Variants in EPB41L2 observed in about 807,000 individuals in gnomAD.
EPB41L2 encodes erythrocyte membrane protein band 4.1 like 2.
EPB41L2 carries 43 observed loss-of-function variants against 113.0 expected under a neutral mutation model. The observed-to-expected ratio is 0.38, with a 90% CI of 0.30 to 0.49. EPB41L2 has a LOEUF of 0.49. Among genes scored for constraint, EPB41L2 ranks in the 20% least tolerant of loss-of-function variants. The pLI is 0.95. For missense variants in EPB41L2, 1,147 were observed against 1,223.4 expected (o/e 0.94, Z 0.93); for synonymous variants, 442 against 436.7 (o/e 1.01, Z -0.15).
At chr6:131,002,256 T>C (rs910115409) in intron 1 of EPB41L2, among the ~76,000 whole-genome samples, 1 of 152,014 alleles carries the variant, frequency 6.6e-6, no homozygotes, top group Non-Finnish European at 1.5e-5. Flanking sequence ...TAGCCCCAAA[T>C]GCACTCAGAA....
At chr6:131,024,802 A>T (rs149980154) in intron 1 of EPB41L2, among the ~76,000 whole-genome samples, 1 of 152,302 alleles carries the variant, frequency 6.6e-6, no homozygotes, top group East Asian at 1.9e-4. Context: ...CCTGAGAATA[A>T]AAAAAGGTTA....
At chr6:130,967,100 C>T (rs529811338) in intron 1 of EPB41L2, among the ~76,000 whole-genome samples, 19 of 152,184 alleles carry the variant, frequency 1.2e-4, no homozygotes, top group African/African-American at 4.3e-4. Flanking sequence ...ACAGTTGTCC[C>T]TCAGTATCTG....
At chr6:130,918,108 T>C (rs1471901821) in intron 4 of EPB41L2, among the ~76,000 whole-genome samples, 1 of 152,202 alleles carries the variant, frequency 6.6e-6, no homozygotes, top group Non-Finnish European at 1.5e-5. Flanking sequence ...CAGTGAAACA[T>C]TCACTACACA....
intron 17 of EPB41L2, among the ~76,000 whole-genome samples, chr6:130,864,003 C>G (rs1485863255): frequency 6.6e-6 from 1 of 152,222 alleles, no homozygotes; most frequent in Non-Finnish European, 1.5e-5. Flanking sequence ...ATCTTAATCT[C>G]ACTTGATTAA....
intron 1 of EPB41L2, among the ~76,000 whole-genome samples, chr6:131,019,004 C>T (rs1788870973): frequency 6.6e-6 from 1 of 152,232 alleles, no homozygotes; most frequent in Admixed American, 6.5e-5. Context: ...TTCTTCAACA[C>T]ATGCTCATTT....
chr6:130,926,612 T>G lies in EPB41L2; in HGVS notation c.803A>C (p.Glu268Ala). 1 of 1,598,846 alleles carries G rather than the reference T, an allele frequency of 6.3e-7. No individual in the cohort carries two copies. The highest frequency in any genetic ancestry group is 1.3e-5 in the African/African-American group (1 of 74,222). The change falls in exon 4 of 20, where the codon GAG becomes GCG. Residue 268 changes from glutamate (E) to alanine (A), a missense_variant. Coordinates refer to ENST00000337057, the MANE Select transcript of EPB41L2 (RefSeq NM_001431.4). Reference sequence around the variant, plus strand: ...AAACTTGAAATCACTTACTTTCTGCTCAGGGCTTTCCTGAAACAAAAGTCC... The same window carrying G: ...AAACTTGAAATCACTTACTTTCTGCGCAGGGCTTTCCTGAAACAAAAGTCC... The part of the protein sequence containing the change: ...YFGLLFQESP[E>A]QKNWLDPAKE...
intron 3 of EPB41L2, among the ~76,000 whole-genome samples, chr6:130,953,233 T>G (rs1341657543): frequency 6.6e-6 from 1 of 152,006 alleles, no homozygotes; most frequent in Non-Finnish European, 1.5e-5. Context: ...GTCCCTTTCT[T>G]TATGGTCTCT....
chr6:130,908,284 A>G (rs1291931763), intron 5 of EPB41L2, among the ~76,000 whole-genome samples: 1 of 152,188 alleles, frequency 6.6e-6, no homozygotes, highest in Non-Finnish European at 1.5e-5. Context: ...CCCAGGCTCA[A>G]AGAGTATGCA....
At chr6:131,002,508 G>A (rs1784568618) in intron 1 of EPB41L2, among the ~76,000 whole-genome samples, 1 of 152,152 alleles carries the variant, frequency 6.6e-6, no homozygotes, top group African/African-American at 2.4e-5. Flanking sequence ...CTGTGTATGA[G>A]CAATTGCTAA....
chr6:130,892,569 T>A (rs1315589993), intron 10 of EPB41L2, among the ~76,000 whole-genome samples: 1 of 152,038 alleles, frequency 6.6e-6, no homozygotes, highest in Non-Finnish European at 1.5e-5. Context: ...TTTTCAAAGA[T>A]TTATATGATC....
intron 4 of EPB41L2, among the ~76,000 whole-genome samples, chr6:130,911,503 C>T (rs1315304889): frequency 6.6e-6 from 1 of 151,676 alleles, no homozygotes; most frequent in Admixed American, 6.6e-5. Flanking sequence ...ACATGTATCC[C>T]AGAACTTAAA....
At chr6:131,013,546 AAG>A (rs1417021613) in intron 1 of EPB41L2, 1 of 152,218 alleles carries the variant, frequency 6.6e-6, no homozygotes, top group Non-Finnish European at 1.5e-5. Context: ...AAGTAGAAAA[AAG>A]AGTATTTTCT....
rs150838163 is a variant in EPB41L2 at position 130,899,569 on chromosome 6, C to A, written c.1158G>T (p.Ser386=). ...AELHKTHRGL[S]PAQADSQFLE... The stretch of plus-strand genomic sequence containing the variant: ...AGAACTGGGAATCAGCTTGTGCTGG[C>A]GATAAGCCCCTGAGAATCAAAAGAA... The change falls in exon 8 of 20, where the codon TCG becomes TCT. Residue 386 remains serine (S), a synonymous_variant. Coordinates refer to ENST00000337057, the MANE Select transcript of EPB41L2 (RefSeq NM_001431.4). 3.1e-4 allele frequency: 499 copies of A among 1,613,624 alleles called. 3 individuals carry two copies. The highest frequency in any genetic ancestry group is 1.2e-3 in the Middle Eastern group (7 of 6,060).
chr6:130,880,338 C>A, intron 12 of EPB41L2, 132 bp from the exon 13 acceptor site: 1 of 652,258 alleles, frequency 1.5e-6, no homozygotes, highest in South Asian at 1.9e-5. Flanking sequence ...ATCTTATGAA[C>A]TTAAAGCCAC....
At chr6:131,010,504 C>T (rs1786683792) in intron 1 of EPB41L2, among the ~76,000 whole-genome samples, 1 of 151,836 alleles carries the variant, frequency 6.6e-6, no homozygotes, top group Admixed American at 6.6e-5. Flanking sequence ...CCTCTGCCTC[C>T]TGGGTTCAGG....
At chr6:131,023,750 TATATAGATATATAG>T (rs59650217) in intron 1 of EPB41L2, among the ~76,000 whole-genome samples, 7,796 of 117,090 alleles carry the variant, frequency 0.067, 585 homozygotes, top group East Asian at 0.37. Flanking sequence ...TATATATCTA[TATATAGATATATAG>T]ATATATAGAT....
intron 6 of EPB41L2, among the ~76,000 whole-genome samples, chr6:130,901,564 T>C (rs894561502): frequency 6.6e-6 from 1 of 152,164 alleles, no homozygotes; most frequent in Admixed American, 6.5e-5. Flanking sequence ...TAATCATTTG[T>C]AAGAAAAGCT....
intron 1 of EPB41L2, among the ~76,000 whole-genome samples, chr6:131,033,495 G>A (rs548485513): frequency 7.0e-4 from 106 of 152,116 alleles, no homozygotes; most frequent in African/African-American, 2.4e-3. Context: ...GTGCACCAAT[G>A]TTCATAACAG....
intron 1 of EPB41L2, among the ~76,000 whole-genome samples, chr6:130,967,065 G>A (rs190373189): frequency 6.6e-6 from 1 of 152,176 alleles, no homozygotes; most frequent in African/African-American, 2.4e-5. Context: ...TTTAAGAAGT[G>A]TATCAGTTCT....
Sources: gnomAD v4.1 joint callset for allele counts (sites outside exome capture counted in the v4.1 genomes callset) on GRCh38, gnomAD v4.1.1 for gene constraint, MANE v1.5 for transcripts, NCBI Gene and HGNC (gene_info 2026-07-23, HGNC 2026-07-21) for gene names.